GPC6: variants seen among roughly 807,000 people sequenced by gnomAD.
GPC6 encodes the protein glypican-6.
GPC6 carries 14 observed loss-of-function variants against 55.2 expected under a neutral mutation model. The observed-to-expected ratio is 0.25, with a 90% CI of 0.17 to 0.40. The LOEUF (loss-of-function observed/expected upper bound fraction) is 0.40, where lower values mean the gene tolerates loss of function less well. GPC6 is among the 10% of genes least tolerant of loss of function. The probability of loss-of-function intolerance (pLI) is 1.00; values close to 1 mark genes in which losing one functional copy is unlikely to be tolerated. For synonymous variants in GPC6, 278 were observed against 259.6 expected, an observed-to-expected ratio of 1.07 and a Z score of -0.68; for missense variants, 641 against 708.5, an observed-to-expected ratio of 0.90 and a Z score of 1.08.
chr13:93,866,833 A>G (rs1297802748), intron 3 of GPC6, among the ~76,000 whole-genome samples: 1 of 151,766 alleles, frequency 6.6e-6, no homozygotes, highest in Non-Finnish European at 1.5e-5. Context: ...TATGTTTACT[A>G]TGTAACAAAC....
chr13:93,642,062 A>T (rs982926517), intron 2 of GPC6, among the ~76,000 whole-genome samples: 2 of 152,008 alleles, frequency 1.3e-5, no homozygotes, highest in Non-Finnish European at 2.9e-5. Flanking sequence ...GCTATATTGC[A>T]TGATATTGAG....
chr13:94,290,789 C>G (rs1874919619), intron 5 of GPC6, among the ~76,000 whole-genome samples: 2 of 152,138 alleles, frequency 1.3e-5, no homozygotes, highest in South Asian at 2.1e-4. Context: ...GCAAATTAGA[C>G]ATTTTTGTGG....
At chr13:93,433,935 A>G (rs1164642745) in intron 1 of GPC6, among the ~76,000 whole-genome samples, 1 of 152,250 alleles carries the variant, frequency 6.6e-6, no homozygotes, top group African/African-American at 2.4e-5. Flanking sequence ...CGCTATGTAT[A>G]GATGACAGAA....
intron 4 of GPC6, among the ~76,000 whole-genome samples, chr13:94,089,781 A>G (rs1442911372): frequency 6.6e-6 from 1 of 152,116 alleles, no homozygotes; most frequent in Admixed American, 6.6e-5. Context: ...TCTCCAATCT[A>G]CGCCGGTGCA....
intron 2 of GPC6, among the ~76,000 whole-genome samples, chr13:93,633,394 A>G (rs1416493626): frequency 2.6e-5 from 4 of 152,092 alleles, no homozygotes; most frequent in Non-Finnish European, 5.9e-5. Context: ...GCTTGTAATC[A>G]CAGCACTTTG....
chr13:94,189,934 TC>T (rs976275619), intron 4 of GPC6, among the ~76,000 whole-genome samples: 57 of 150,300 alleles, frequency 3.8e-4, no homozygotes, highest in African/African-American at 1.4e-3. Flanking sequence ...GGCAGGAGAA[TC>T]GCTTGAAACT....
chr13:93,310,868 G>A (rs1159025790), intron 1 of GPC6, among the ~76,000 whole-genome samples: 4 of 151,994 alleles, frequency 2.6e-5, no homozygotes, highest in Non-Finnish European at 5.9e-5. Flanking sequence ...CATCTTCCTC[G>A]CCTAAGCATT....
intron 6 of GPC6, among the ~76,000 whole-genome samples, chr13:94,331,980 A>G (rs1308595433): frequency 6.6e-6 from 1 of 152,098 alleles, no homozygotes; most frequent in African/African-American, 2.4e-5. Context: ...GTCATGTAAG[A>G]TTTTATTTCT....
intron 1 of GPC6, among the ~76,000 whole-genome samples, chr13:93,407,422 A>G (rs1391331925): frequency 1.3e-5 from 2 of 152,110 alleles, no homozygotes; most frequent in Non-Finnish European, 2.9e-5. Flanking sequence ...ATTGTATTTT[A>G]TGGCTGAGAC....
At chr13:93,950,113 C>A (rs973750517) in intron 3 of GPC6, among the ~76,000 whole-genome samples, 1 of 152,184 alleles carries the variant, frequency 6.6e-6, no homozygotes, top group African/African-American at 2.4e-5. Context: ...TGTGATTGCA[C>A]TTAATGCCAT....
intron 1 of GPC6, among the ~76,000 whole-genome samples, chr13:93,257,356 C>T (rs2046562068): frequency 6.6e-6 from 1 of 152,172 alleles, no homozygotes; most frequent in Non-Finnish European, 1.5e-5. Context: ...GAATGGTCTA[C>T]ACTTACCTTT....
At chr13:93,936,403 G>A (rs1262052688) in intron 3 of GPC6, among the ~76,000 whole-genome samples, 1 of 152,012 alleles carries the variant, frequency 6.6e-6, no homozygotes, top group Non-Finnish European at 1.5e-5. Flanking sequence ...GCATGTGTGT[G>A]TGTGTGTATA....
intron 4 of GPC6, among the ~76,000 whole-genome samples, chr13:94,180,852 A>G (rs1408090172): frequency 1.3e-5 from 2 of 151,378 alleles, no homozygotes; most frequent in Non-Finnish European, 2.9e-5. Context: ...TTTCCTGTGC[A>G]TACGTGTGTA....
At chr13:93,504,499 T>TTC (rs397936888) in intron 1 of GPC6, among the ~76,000 whole-genome samples, 70 of 151,118 alleles carry the variant, frequency 4.6e-4, no homozygotes, top group African/African-American at 1.6e-3. Context: ...TTTTTTTTTT[T>TTC]CTGCTTTCCC....
intron 1 of GPC6, among the ~76,000 whole-genome samples, chr13:93,360,558 C>G (rs945342242): frequency 1.6e-4 from 25 of 151,972 alleles, no homozygotes; most frequent in Non-Finnish European, 8.8e-5. Flanking sequence ...CTATTGTGTG[C>G]TGTGTGTGTA....
intron 1 of GPC6, among the ~76,000 whole-genome samples, chr13:93,425,429 A>T (rs1877091191): frequency 7.5e-6 from 1 of 132,798 alleles, no homozygotes; most frequent in Non-Finnish European, 1.8e-5. Flanking sequence ...ACCACAACCT[A>T]AGGCAGACCT....
chr13:93,347,632 T>C (rs1215295277), intron 1 of GPC6, among the ~76,000 whole-genome samples: 1 of 152,180 alleles, frequency 6.6e-6, no homozygotes, highest in Non-Finnish European at 1.5e-5. Context: ...AGGTCTTCCT[T>C]TCTTCATCTT....
chr13:94,236,468 G>A (rs776265054), intron 4 of GPC6, among the ~76,000 whole-genome samples: 1 of 152,106 alleles, frequency 6.6e-6, no homozygotes, highest in Admixed American at 6.6e-5. Context: ...GGGCTTCCAG[G>A]TGTATGAGAC....
intron 4 of GPC6, among the ~76,000 whole-genome samples, chr13:94,036,114 G>A (rs1354613119): frequency 6.6e-6 from 1 of 151,958 alleles, no homozygotes; most frequent in Non-Finnish European, 1.5e-5. Context: ...GAGGGAGTGG[G>A]TATAAGTATT....
Sources: gnomAD v4.1 joint callset for allele counts (sites outside exome capture counted in the v4.1 genomes callset) on GRCh38, gnomAD v4.1.1 for gene constraint, MANE v1.5 for transcripts, NCBI Gene and HGNC (gene_info 2026-07-23, HGNC 2026-07-21) for gene names.